Variants in SLC52A1 observed in about 807,000 individuals in gnomAD.
SLC52A1 encodes solute carrier family 52 member 1.
SLC52A1 carries 20 observed loss-of-function variants against 23.2 expected under a neutral mutation model. That is an observed-to-expected ratio of 0.86 (90% CI 0.61 to 1.25). The LOEUF (loss-of-function observed/expected upper bound fraction) is 1.25. Among genes scored for constraint, SLC52A1 ranks in the 50% most tolerant of loss-of-function variants. The pLI is 0.00. For missense variants in SLC52A1, 528 were observed against 557.0 expected (o/e 0.95, Z 0.52); for synonymous variants, 260 against 256.6 (o/e 1.01, Z -0.13).
Position 5,034,992 on chromosome 17 carries a change from C to T in SLC52A1, c.-239G>A, listed in dbSNP as rs1473294537. 1 of 229,456 alleles carries T rather than the reference C, an allele frequency of 4.4e-6. No individual in the cohort carries two copies. Among genetic ancestry groups the T allele is most frequent in the African/African-American group, 2.2e-5 (1 of 45,296 alleles). The allele number at this position is 229,456 out of a possible 1,614,324, so 14.2% of individuals were successfully genotyped here. On this transcript the variant is annotated 5_prime_UTR_variant, in exon 1 of 5. Coordinates refer to ENST00000254853, the MANE Select transcript of SLC52A1 (RefSeq NM_017986.4). ...AGCTGATTTTCCTACCCACAGAGGA[C>T]CCGGGGTCCAAGTTGTCAAAACAGC...
Position 5,032,733 on chromosome 17 carries a change from C to G in SLC52A1, c.*224G>C, listed in dbSNP as rs1427554440. The G allele has an allele frequency of 4.0e-6, 2 of 504,048 alleles. No individual in the cohort carries two copies. The highest frequency in any genetic ancestry group is 3.5e-6 in the Non-Finnish European group (1 of 282,928). The allele number at this position is 504,048 out of a possible 1,614,324, so 31.2% of individuals were successfully genotyped here. On this transcript the variant is annotated 3_prime_UTR_variant, in exon 5 of 5. Transcript: ENST00000254853. Reference sequence around the variant, plus strand: ...TATTGCACAAATCCCACAAAGGTCTCAGGCCCTGGGTCCAAGCCCACAGCC... The same window carrying G: ...TATTGCACAAATCCCACAAAGGTCTGAGGCCCTGGGTCCAAGCCCACAGCC...
At position 5,033,632 on chromosome 17, in the gene SLC52A1, A is replaced by C. The variant is rs774079660; in HGVS notation, c.857T>G (p.Met286Arg). The C allele has an allele frequency of 2.5e-6, 4 of 1,614,080 alleles. No homozygotes were observed. The South Asian group carries it at 3.3e-5, about 13-fold the overall frequency. The change falls in exon 3 of 5, where the codon ATG becomes AGG. Residue 286 changes from methionine (M) to arginine (R), a missense_variant. Met to Arg is a moderately conservative substitution (Grantham distance 91, BLOSUM62 -1). Transcript: ENST00000254853. Reference sequence around the variant, plus strand: ...ATTGGTCACGGCACTGGTGAAGGCCATCAGGCCCAGCAGGAAGGCACCATG... The same window carrying C: ...ATTGGTCACGGCACTGGTGAAGGCCCTCAGGCCCAGCAGGAAGGCACCATG... ...SAHGAFLLGL[M>R]AFTSAVTNGV... is the part of the protein sequence containing the mutation.
chr17:5,039,541 G>A (rs1186777860), upstream of SLC52A1, among the ~76,000 whole-genome samples: 1 of 151,122 alleles, frequency 6.6e-6, no homozygotes, highest in Non-Finnish European at 1.5e-5. Flanking sequence ...GTGTGATCTC[G>A]GCTCACCGCA....
At chr17:5,041,736 C>G (rs1396405951) in intron 1 of SLC52A1, among the ~76,000 whole-genome samples, 1 of 152,102 alleles carries the variant, frequency 6.6e-6, no homozygotes, top group East Asian at 1.9e-4. Context: ...GCCTCGGCCT[C>G]CCAAAGTGCT....
At position 5,034,147 on chromosome 17, in the gene SLC52A1, G is replaced by A; in HGVS notation, c.342C>T (p.Phe114=). Reference sequence around the variant, plus strand: ...TTGCCAACACCAAGGCCAGAGTTAGGAAGGCCACAGAGTGGAGCTGCCCTG... The same window carrying A: ...TTGCCAACACCAAGGCCAGAGTTAGAAAGGCCACAGAGTGGAGCTGCCCTG... ...PVAGQLHSVA[F]LTLALVLAMA... The change falls in exon 3 of 5, where the codon TTC becomes TTT. Residue 114 remains phenylalanine (F), a synonymous_variant. Transcript: ENST00000254853. 6.8e-6 allele frequency: 11 copies of A among 1,614,228 alleles called. No individual in the cohort carries two copies. Among genetic ancestry groups the A allele is most frequent in the Non-Finnish European group, 8.5e-6 (10 of 1,180,032 alleles).
Position 5,034,314 on chromosome 17 carries a change from T to G in SLC52A1, c.175A>C (p.Asn59His). 1 of 1,592,388 alleles carries G rather than the reference T, an allele frequency of 6.3e-7. No individual in the cohort carries two copies. Among genetic ancestry groups the G allele is most frequent in the Non-Finnish European group, 8.6e-7 (1 of 1,169,462 alleles). The change falls in exon 3 of 5, where the codon AAC becomes CAC. Residue 59 changes from asparagine (N) to histidine (H), a missense_variant. By Grantham distance (68) the Asn-to-His change is moderately conservative. Transcript: ENST00000254853. ...SYLSVVVALG[N>H]LGLLVVTLWR... ...AGGGTCACCACCAGCAGACCCAGGT[T>G]TCCCAGCGCCACAACCACAGAGAGG...
upstream of SLC52A1, among the ~76,000 whole-genome samples, chr17:5,038,789 C>T (rs1328135818): frequency 1.3e-5 from 2 of 151,852 alleles, no homozygotes; most frequent in Non-Finnish European, 2.9e-5. Flanking sequence ...GGGGTTTCAC[C>T]GTGTTAGCCA....
chr17:5,039,186 G>A (rs546991000), upstream of SLC52A1, among the ~76,000 whole-genome samples: 1 of 151,908 alleles, frequency 6.6e-6, no homozygotes, highest in East Asian at 2.0e-4. Flanking sequence ...AGCTGGGCTT[G>A]GTGGCACGCA....
rs751818257 is a variant in SLC52A1 at position 5,033,859 on chromosome 17, G to A, written c.630C>T (p.Ala210=). 2 of 1,614,264 alleles carry A rather than the reference G, an allele frequency of 1.2e-6. No individual in the cohort carries two copies. Among genetic ancestry groups the A allele is most frequent in the Non-Finnish European group, 1.7e-6 (2 of 1,180,052 alleles). Residue 210 remains alanine (A), a synonymous_variant, in exon 3 of 5, where the codon GCC becomes GCT. Transcript: ENST00000254853. ...GCAACAGCAACAGGAGACCCCGGAA[G>A]GCGGCAGCTGAAGTGACCAGAAGGG... is the stretch of plus-strand genomic sequence containing the variant. ...LTALLVTSAA[A]FRGLLLLLPS...
rs1190168745 is a variant in SLC52A1 at position 5,033,393 on chromosome 17, G to A, written c.1011-9C>T. On this transcript the variant is annotated splice_polypyrimidine_tract_variant and intron_variant, in intron 3 of 4. Coordinates refer to ENST00000254853, the MANE Select transcript of SLC52A1 (RefSeq NM_017986.4). ...CCAGCCCTGCCAGGGACCTGTTGGG[G>A]ATGAGCAGAGACTCAGGGCTGGCTG... 6.2e-7 allele frequency: 1 copy of A among 1,614,012 alleles called. No homozygotes were observed. Among genetic ancestry groups the A allele is most frequent in the African/African-American group, 1.3e-5 (1 of 74,920 alleles).
rs1327404699 is a variant in SLC52A1, at chr17:5,034,017, G to C, written c.472C>G (p.Pro158Ala). ...CCTTGCACTAGGGCCAGCACACAGG[G>C]GAGTAGGGCACTGAGACCCTGACCC... Reference protein sequence around the residue: ...FLGQGLSALLPCVLALVQGVG... With the variant: ...FLGQGLSALLACVLALVQGVG... The change falls in exon 3 of 5, where the codon CCC (proline) becomes GCC (alanine). Residue 158 changes from proline to alanine, a missense_variant. Coordinates refer to ENST00000254853, the MANE Select transcript of SLC52A1 (RefSeq NM_017986.4). 7 of 1,613,986 alleles carry C rather than the reference G, an allele frequency of 4.3e-6. No individual in the cohort carries two copies. The highest frequency in any genetic ancestry group is 5.9e-6 in the Non-Finnish European group (7 of 1,179,972).
intron 1 of SLC52A1, among the ~76,000 whole-genome samples, chr17:5,041,775 C>CA (rs35583465): frequency 1.3e-5 from 2 of 148,886 alleles, no homozygotes; most frequent in Non-Finnish European, 3.0e-5. Context: ...CACCACACCC[C>CA]AAAATTTTTT....
upstream of SLC52A1, among the ~76,000 whole-genome samples, chr17:5,036,372 G>A (rs1307933357): frequency 2.7e-5 from 4 of 146,336 alleles, no homozygotes; most frequent in African/African-American, 1.0e-4. Context: ...AAAATTAGCT[G>A]GACGTGGTGT....
At position 5,032,820 on chromosome 17, in the gene SLC52A1, G is replaced by A. The variant is rs778295982; in HGVS notation, c.*137C>T. 1.4e-5 allele frequency: 11 copies of A among 785,022 alleles called. No individual in the cohort carries two copies. Among genetic ancestry groups the A allele is most frequent in the East Asian group, 5.4e-5 (2 of 37,050 alleles). 48.6% of individuals were successfully genotyped at this position (785,022 alleles called of 1,614,324 possible). On this transcript the variant is annotated 3_prime_UTR_variant, in exon 5 of 5. Coordinates refer to ENST00000254853, the MANE Select transcript of SLC52A1 (RefSeq NM_017986.4). ...GCCCACCCTGGCCTCACATGCCAAC[G>A]TCTTCTGTGGAGTGTGCAGGTGTCC...
At chr17:5,036,439 T>G (rs1975460759), upstream of SLC52A1, among the ~76,000 whole-genome samples, 2 of 113,614 alleles carry the variant, frequency 1.8e-5, no homozygotes, top group Admixed American at 1.2e-4. Context: ...TGAGACGGAG[T>G]CTCGCTCTGT....
In SLC52A1 at chr17:5,033,841, C is replaced by T; in HGVS notation, c.648G>A (p.Leu216=). 1 of 1,614,226 alleles carries T rather than the reference C, an allele frequency of 6.2e-7. No homozygotes were observed. ...TSAAAFRGLL[L]LLPSLPSVTT... ...TTACAGAGGGTAGTGATGGCAACAG[C>T]AACAGGAGACCCCGGAAGGCGGCAG... Residue 216 remains leucine (L), a synonymous_variant, in exon 3 of 5, where the codon TTG becomes TTA. Coordinates refer to ENST00000254853, the MANE Select transcript of SLC52A1 (RefSeq NM_017986.4).
upstream of SLC52A1, among the ~76,000 whole-genome samples, chr17:5,040,070 C>T (rs9909219): frequency 0.68 from 103,353 of 152,010 alleles, 36,593 homozygotes; most frequent in African/African-American, 0.84. Context: ...GCCTTGTGTG[C>T]GGGCCCCACT....
upstream of SLC52A1, among the ~76,000 whole-genome samples, chr17:5,038,618 G>A (rs989004990): frequency 6.7e-6 from 1 of 150,172 alleles, no homozygotes; most frequent in East Asian, 2.0e-4. Context: ...ACAGAGTCTT[G>A]CTCTGTTGCC....
rs2143430852 is a variant in SLC52A1, at chr17:5,033,797, G to A, written c.692C>T (p.Pro231Leu). The change falls in exon 3 of 5, where the codon CCT becomes CTT. Residue 231 changes from proline (P) to leucine (L), a missense_variant. Transcript: ENST00000254853. ...TCCTGGGGATCCCAGTTGAAGTTCA[G>A]GCCCTGAGCCCCCTGTGGTTACAGA... The part of the protein sequence containing the change: ...LPSVTTGGSG[P>L]ELQLGSPGAE... 6.2e-7 allele frequency: 1 copy of A among 1,614,200 alleles called. No individual in the cohort carries two copies. Among genetic ancestry groups the A allele is most frequent in the Non-Finnish European group, 8.5e-7 (1 of 1,180,044 alleles).
Sources: gnomAD v4.1 joint callset for allele counts (sites outside exome capture counted in the v4.1 genomes callset) on GRCh38, gnomAD v4.1.1 for gene constraint, MANE v1.5 for transcripts, NCBI Gene and HGNC (gene_info 2026-07-23, HGNC 2026-07-21) for gene names.